AP2A1: variants seen among roughly 807,000 people sequenced by gnomAD.
AP2A1 encodes adaptor related protein complex 2 subunit alpha 1.
AP2A1 carries 21 observed loss-of-function variants against 107.3 expected under a neutral mutation model. The ratio of observed to expected loss-of-function variants is 0.20; its 90% CI spans 0.14 to 0.28. The LOEUF (loss-of-function observed/expected upper bound fraction) is 0.28. Ranked by LOEUF, AP2A1 falls within the 10% of genes least tolerant of loss-of-function variation. The pLI is 1.00. For missense variants in AP2A1, 873 were observed against 1,307.7 expected (o/e 0.67, Z 5.13); for synonymous variants, 602 against 564.8 (o/e 1.07, Z -0.93).
intron 15 of AP2A1, 167 bp from the exon 16 acceptor site, chr19:49,802,782 T>C (rs2073307030): frequency 1.0e-6 from 1 of 1,001,644 alleles, no homozygotes; most frequent in Non-Finnish European, 1.5e-6. Flanking sequence ...CTATTCCCAT[T>C]GGAGGCCACT....
Position 49,800,954 on chromosome 19 carries a change from C to T in AP2A1, c.1456-7C>T. 1.9e-6 allele frequency: 3 copies of T among 1,589,658 alleles called. No individual in the cohort carries two copies. The highest frequency in any genetic ancestry group is 1.3e-5 in the African/African-American group (1 of 74,740). On this transcript the variant is annotated splice_polypyrimidine_tract_variant and splice_region_variant and intron_variant, in intron 11 of 22. Coordinates refer to ENST00000354293, the MANE Select transcript of AP2A1 (RefSeq NM_130787.3). Reference sequence around the variant, plus strand: ...GTCCTCTCCACGCCCTTCCCCACCCCACTCAGGCGCTCCAGGCCCCTGCCT... The same window carrying T: ...GTCCTCTCCACGCCCTTCCCCACCCTACTCAGGCGCTCCAGGCCCCTGCCT...
rs761419251 is a variant in AP2A1 at position 49,807,076 on chromosome 19, G to T, written c.*318G>T. The T allele has an allele frequency of 6.2e-7, 1 of 1,600,498 alleles. No individual in the cohort carries two copies. Among genetic ancestry groups the T allele is most frequent in the African/African-American group, 1.4e-5 (1 of 72,700 alleles). On this transcript the variant is annotated 3_prime_UTR_variant, in exon 23 of 23. Coordinates refer to ENST00000354293, the MANE Select transcript of AP2A1 (RefSeq NM_130787.3). ...CCTACCCCCTCCCCATCCAGGGGCT[G>T]TGTATTATTGTGAGCGAATAAACAG...
chr19:49,802,547 C>T (rs754670908), intron 15 of AP2A1: 1 of 1,606,380 alleles, frequency 6.2e-7, no homozygotes, highest in Non-Finnish European at 8.5e-7. Context: ...GCTGGAGCCG[C>T]CTGCCCCCGA....
At chr19:49,802,529 C>G in intron 15 of AP2A1, 1 of 1,604,904 alleles carries the variant, frequency 6.2e-7, no homozygotes, top group South Asian at 1.1e-5. Flanking sequence ...GATTGGATGG[C>G]TCAGCGAGCT....
intron 1 of AP2A1, among the ~76,000 whole-genome samples, chr19:49,769,015 C>T (rs996966123): frequency 2.8e-4 from 43 of 152,076 alleles, no homozygotes; most frequent in African/African-American, 1.0e-3. Context: ...TTTGGGGGGC[C>T]GAGGTAGGCG....
In AP2A1 at chr19:49,767,030, G is replaced by T. The variant is rs969018994; in HGVS notation, c.-104G>T. The T allele has an allele frequency of 1.6e-6, 2 of 1,244,662 alleles. No individual in the cohort carries two copies. The highest frequency in any genetic ancestry group is 2.1e-6 in the Non-Finnish European group (2 of 946,296). 77.1% of individuals were successfully genotyped at this position (1,244,662 alleles called of 1,614,324 possible). A position where few individuals can be genotyped will look rare whatever the true frequency, so the allele number is the denominator to read the frequency against. On this transcript the variant is annotated 5_prime_UTR_variant, in exon 1 of 23. Transcript: ENST00000354293. Reference sequence around the variant, plus strand: ...GCCAGCCCTCCCCGCGGCCGGCTCGGCTCCTTGGCGCTGCCTGGGGTCCTT... The same window carrying T: ...GCCAGCCCTCCCCGCGGCCGGCTCGTCTCCTTGGCGCTGCCTGGGGTCCTT...
rs1404076348 is a variant in AP2A1 at position 49,787,344 on chromosome 19, T to G, written c.474-4591T>G. 7.1e-5 allele frequency among the ~76,000 whole-genome samples: 9 copies of G among 126,674 alleles called. 1 individual carries two copies. Among genetic ancestry groups the G allele is most frequent in the East Asian group, 4.6e-4 (2 of 4,332 alleles). The allele number at this position is 126,674 out of a possible 152,430, so 83.1% of individuals were successfully genotyped here. A position where few individuals can be genotyped will look rare whatever the true frequency, so the allele number is the denominator to read the frequency against. ...ATCTAGGCTTTTTTTGTTTGTTTTT[T>G]TTGTTTTTTGTTTTTTTTTTTTTGA... On this transcript the variant is annotated intron_variant, in intron 4 of 22. Coordinates refer to ENST00000354293, the MANE Select transcript of AP2A1 (RefSeq NM_130787.3).
intron 6 of AP2A1, among the ~76,000 whole-genome samples, chr19:49,795,093 A>G (rs190205749): frequency 6.6e-6 from 1 of 152,308 alleles, no homozygotes; most frequent in African/African-American, 2.4e-5. Context: ...CAAGCCTTGT[A>G]GGGGGACTAC....
rs774257962 is a variant in AP2A1 at position 49,798,899 on chromosome 19, C to T, written c.912C>T (p.Asn304=). ...PPKSKKVQHS[N]AKNAILFETI... is the part of the protein sequence containing the mutation. ...AATCCAAGAAGGTGCAGCATTCCAA[C>T]GCCAAGAACGCCATCCTCTTCGAGA... Residue 304 remains asparagine, a synonymous_variant, in exon 8 of 23, where the codon AAC becomes AAT. Coordinates refer to ENST00000354293, the MANE Select transcript of AP2A1 (RefSeq NM_130787.3). 41 of 1,565,408 alleles carry T rather than the reference C, an allele frequency of 2.6e-5. No homozygotes were observed. The highest frequency in any genetic ancestry group is 3.3e-4 in the Middle Eastern group (2 of 6,022).
rs1420129671 is a variant in AP2A1 at position 49,800,084 on chromosome 19, C to T, written c.1389C>T (p.Tyr463=). The change falls in exon 11 of 23, where the codon TAC becomes TAT. Residue 463 remains tyrosine, a synonymous_variant. Coordinates refer to ENST00000354293, the MANE Select transcript of AP2A1 (RefSeq NM_130787.3). ...ACTACGTGAGTGAGGAGGTGTGGTA[C>T]CGTGTGCTACAGATCGTCACCAACC... ...AGDYVSEEVW[Y]RVLQIVTNRD... The T allele has an allele frequency of 6.2e-7, 1 of 1,613,992 alleles. No individual in the cohort carries two copies. Among genetic ancestry groups the T allele is most frequent in the African/African-American group, 1.3e-5 (1 of 75,070 alleles).
chr19:49,772,259 T>TTTGTTTTG (rs1568573049), intron 1 of AP2A1, among the ~76,000 whole-genome samples: 86 of 129,770 alleles, frequency 6.6e-4, no homozygotes, highest in African/African-American at 1.5e-3. Context: ...TTTTTTTTTT[T>TTTGTTTTG]TTTTTTTTTT....
chr19:49,767,246 G>A (rs375727116), intron 1 of AP2A1, 46 bp downstream of exon 1: 33 of 1,602,494 alleles, frequency 2.1e-5, no homozygotes, highest in Non-Finnish European at 2.7e-5. Context: ...GGAGGGGGGA[G>A]CGTGAAATTG....
At position 49,805,652 on chromosome 19, in the gene AP2A1, C is replaced by A. The variant is rs760650453; in HGVS notation, c.2469-9C>A. The A allele has an allele frequency of 1.3e-6, 2 of 1,558,490 alleles. No homozygotes were observed. Among genetic ancestry groups the A allele is most frequent in the Non-Finnish European group, 1.7e-6 (2 of 1,151,756 alleles). On this transcript the variant is annotated splice_polypyrimidine_tract_variant and intron_variant, in intron 19 of 22. Coordinates refer to ENST00000354293, the MANE Select transcript of AP2A1 (RefSeq NM_130787.3). Reference sequence around the variant, plus strand: ...GGGGCCTAATGGAGCCTCCCTTTCACCTCATCAGGTACGGTGGCGCCCCCC... The same window carrying A: ...GGGGCCTAATGGAGCCTCCCTTTCAACTCATCAGGTACGGTGGCGCCCCCC...
intron 1 of AP2A1, among the ~76,000 whole-genome samples, chr19:49,770,088 C>T (rs1239024804): frequency 1.3e-5 from 2 of 152,110 alleles, no homozygotes; most frequent in African/African-American, 4.8e-5. Context: ...AGGCTGGTCT[C>T]GAACTCCCAA....
At chr19:49,805,419 C>T (rs2073354848) in intron 18 of AP2A1, 34 bp from the exon 19 acceptor site, 1 of 1,510,688 alleles carries the variant, frequency 6.6e-7, no homozygotes, top group South Asian at 1.2e-5. Flanking sequence ...GGGCCCACCT[C>T]CTCTGTCTGG....
In AP2A1 at chr19:49,802,982, G is replaced by A. The variant is rs1232959299; in HGVS notation, c.2148G>A (p.Pro716=). 8 of 1,613,308 alleles carry A rather than the reference G, an allele frequency of 5.0e-6. No homozygotes were observed. In the East Asian group the frequency reaches 1.3e-4, roughly 27 times the overall value. The change falls in exon 16 of 23, where the codon CCG becomes CCA. Residue 716 remains proline (P), a synonymous_variant. Transcript: ENST00000354293. ...CTGAGGACATCGGCCCTCCCATTCC[G>A]GAAGCCGATGAGTTGCTGAATAAGT... ...PGPEDIGPPI[P]EADELLNKFV...
intron 4 of AP2A1, among the ~76,000 whole-genome samples, chr19:49,790,680 G>T (rs1471077151): frequency 1.3e-5 from 2 of 152,232 alleles, no homozygotes; most frequent in East Asian, 3.9e-4. Context: ...GATTACAGGC[G>T]TGAGCCACCC....
chr19:49,798,789 T>G lies in AP2A1; in HGVS notation c.815-13T>G. On this transcript the variant is annotated splice_polypyrimidine_tract_variant and intron_variant, in intron 7 of 22. Coordinates refer to ENST00000354293, the MANE Select transcript of AP2A1 (RefSeq NM_130787.3). ...AGGACACTCAGCCGGGGGCGTCCCCTTCGTTTCCCCAGAGGATGCGGCTGT... is the reference window on the plus strand; with the variant it reads ...AGGACACTCAGCCGGGGGCGTCCCCGTCGTTTCCCCAGAGGATGCGGCTGT... The G allele has an allele frequency of 6.2e-7, 1 of 1,601,108 alleles. No individual in the cohort carries two copies. The highest frequency in any genetic ancestry group is 1.1e-5 in the South Asian group (1 of 88,484).
intron 7 of AP2A1, among the ~76,000 whole-genome samples, chr19:49,798,581 T>C (rs1053505426): frequency 3.2e-4 from 48 of 152,122 alleles, no homozygotes; most frequent in Non-Finnish European, 2.9e-5. Flanking sequence ...GGTCTGGGGA[T>C]AGATCTTGTG....
Sources: allele counts gnomAD v4.1 joint callset (sites outside exome capture counted in the v4.1 genomes callset), GRCh38; gene constraint gnomAD v4.1.1; transcripts MANE v1.5; gene names NCBI Gene and HGNC (gene_info 2026-07-23, HGNC 2026-07-21).